Variants in AR observed in about 807,000 individuals in gnomAD.
AR encodes the protein androgen receptor, also known as dihydrotestosterone receptor.
In AR, 8 loss-of-function variants were observed where a neutral mutation model predicts 53.9. The ratio of observed to expected loss-of-function variants is 0.15; its 90% CI spans 0.09 to 0.27. The LOEUF (loss-of-function observed/expected upper bound fraction) is 0.27. AR is among the 10% of genes least tolerant of loss of function. The pLI is 1.00. For synonymous variants in AR, 359 were observed against 316.4 expected (o/e 1.13, Z -1.43); for missense variants, 639 against 742.5 (o/e 0.86, Z 1.62).
Position 67,720,191 on chromosome X carries a change from A to G in AR, c.2319-1642A>G, listed in dbSNP as rs184120982. Among the ~76,000 whole-genome samples the G allele has an allele frequency of 7.2e-5, 8 of 110,755 alleles. 1 individual carries two copies. In the East Asian group the frequency reaches 1.7e-3, roughly 24 times the overall value. ...TTATTTTCTCTCTTGCACTCCCACC[A>G]ACCTTGTTCTCTTCCTAAATTCCAT... On this transcript the variant is annotated intron_variant, in intron 5 of 7. Transcript: ENST00000374690.
intron 1 of AR, among the ~76,000 whole-genome samples, chrX:67,576,620 C>T (rs759708534): frequency 1.6e-4 from 18 of 111,146 alleles, no homozygotes; most frequent in African/African-American, 5.9e-4. Flanking sequence ...CGTTTGGATA[C>T]CTTGGTCTCA....
At position 67,636,629 on chromosome X, in the gene AR, T is replaced by C. The variant is rs150543053; in HGVS notation, c.1617-6627T>C. On this transcript the variant is annotated intron_variant, in intron 1 of 7. Transcript: ENST00000374690. Reference sequence around the variant, plus strand: ...GTTCCTGCATGTGCCTCCTAGTACATATGTGACCAACTTTCTCTAGGATAT... The same window carrying C: ...GTTCCTGCATGTGCCTCCTAGTACACATGTGACCAACTTTCTCTAGGATAT... 5.8e-3 allele frequency among the ~76,000 whole-genome samples: 648 copies of C among 112,092 alleles called. 5 individuals are homozygous for C. Among genetic ancestry groups the C allele is most frequent in the African/African-American group, 0.019 (596 of 30,891 alleles).
intron 4 of AR, among the ~76,000 whole-genome samples, chrX:67,717,015 G>T (rs969480672): frequency 9.0e-6 from 1 of 111,704 alleles, no homozygotes; most frequent in Non-Finnish European, 1.9e-5. Flanking sequence ...GATAATAATA[G>T]TACTTACCTT....
At chrX:67,631,244 T>G (rs937633054) in intron 1 of AR, among the ~76,000 whole-genome samples, 1 of 111,720 alleles carries the variant, frequency 9.0e-6, no homozygotes, top group African/African-American at 3.3e-5. Context: ...TTTTCCAACT[T>G]GGTTCCATTC....
Position 67,723,866 on chromosome X carries a change from C to T in AR, c.*25C>T, listed in dbSNP as rs371810294. The stretch of plus-strand genomic sequence containing the variant: ...AAGCATTGGAAACCCTATTTCCCCA[C>T]CCCAGCTCATGCCCCCTTTCAGATG... On this transcript the variant is annotated 3_prime_UTR_variant, in exon 8 of 8. Coordinates refer to ENST00000374690, the MANE Select transcript of AR (RefSeq NM_000044.6). 1.2e-5 allele frequency: 14 copies of T among 1,204,190 alleles called. No individual in the cohort carries two copies. Among genetic ancestry groups the T allele is most frequent in the Middle Eastern group, 3.0e-4 (1 of 3,363 alleles).
At position 67,717,648 on chromosome X, in the gene AR, C is replaced by A. The variant is rs756136725; in HGVS notation, c.2318+26C>A. 5 of 1,210,794 alleles carry A rather than the reference C, an allele frequency of 4.1e-6. No homozygotes were observed. In the Admixed American group the frequency reaches 1.1e-4, roughly 26 times the overall value. On this transcript the variant is annotated intron_variant, in intron 5 of 7. Transcript: ENST00000374690. The stretch of plus-strand genomic sequence containing the variant: ...GTAAGTGCTCCTGGGGCCCAGACCT[C>A]ACTAAAATACAGCAGCTTGGCCAGA...
intron 3 of AR, among the ~76,000 whole-genome samples, chrX:67,704,577 T>G (rs905338683): frequency 1.8e-5 from 2 of 111,893 alleles, no homozygotes; most frequent in African/African-American, 3.3e-5. Flanking sequence ...TGGAAAAAAT[T>G]TTCTCCCATT....
chrX:67,711,604 C>T lies in AR; in HGVS notation c.2088C>T (p.Asp696=), dbSNP rs1171884607. ...VCAGHDNNQP[D]SFAALLSSLN... ...CTGGACACGACAACAACCAGCCCGA[C>T]TCCTTTGCAGCCTTGCTCTCTAGCC... The change falls in exon 4 of 8, where the codon GAC becomes GAT. Residue 696 remains aspartate, a synonymous_variant. Coordinates refer to ENST00000374690, the MANE Select transcript of AR (RefSeq NM_000044.6). 3 of 1,209,837 alleles carry T rather than the reference C, an allele frequency of 2.5e-6. No homozygotes were observed. The highest frequency in any genetic ancestry group is 3.5e-5 in the South Asian group (2 of 56,694).
intron 1 of AR, among the ~76,000 whole-genome samples, chrX:67,630,156 G>C (rs1405794549): frequency 1.8e-5 from 2 of 110,936 alleles, no homozygotes; most frequent in African/African-American, 6.6e-5. Context: ...TATTAGGTCT[G>C]CTTGGTGCAG....
rs749571801 is a variant in AR at position 67,717,487 on chromosome X, A to G, written c.2183A>G (p.Asn728Ser). Residue 728 changes from asparagine (N) to serine (S), a missense_variant, in exon 5 of 8, where the codon AAC (asparagine) becomes AGC (serine). By Grantham distance (46) the Asn-to-Ser change is conservative. This residue lies in a region of AR where 95 missense variants were observed against 196.4 expected (regional missense o/e 0.48). Coordinates refer to ENST00000374690, the MANE Select transcript of AR (RefSeq NM_000044.6). ...KWAKALPGFR[N>S]LHVDDQMAVI... ...GCCTCTTCTTCTCCAGGCTTCCGCA[A>G]CTTACACGTGGACGACCAGATGGCT... is the stretch of plus-strand genomic sequence containing the variant. 5 of 1,210,403 alleles carry G rather than the reference A, an allele frequency of 4.1e-6. No homozygotes were observed. In the African/African-American group the frequency reaches 7.0e-5, roughly 17 times the overall value.
At chrX:67,700,667 A>T (rs1262534208) in intron 3 of AR, among the ~76,000 whole-genome samples, 1 of 111,867 alleles carries the variant, frequency 8.9e-6, no homozygotes, top group African/African-American at 3.3e-5. Context: ...GATGCCATAT[A>T]GGCCTGGGGA....
At chrX:67,612,926 A>G (rs1470318617) in intron 1 of AR, among the ~76,000 whole-genome samples, 1 of 111,261 alleles carries the variant, frequency 9.0e-6, no homozygotes, top group Non-Finnish European at 1.9e-5. Flanking sequence ...TTCACCCACA[A>G]TGGGGCAGAC....
Position 67,544,385 on chromosome X carries a change from T to G in AR, c.-762T>G. On this transcript the variant is annotated 5_prime_UTR_variant, in exon 1 of 8. Transcript: ENST00000374690. The stretch of plus-strand genomic sequence containing the variant: ...CCCTGCCTTCCCCCCCTCCCCCGTC[T>G]TCTCTCCCGCAGCTGCCTCAGTCGG... 2 of 47,747 alleles carry G rather than the reference T, an allele frequency of 4.2e-5. No individual in the cohort carries two copies. The highest frequency in any genetic ancestry group is 7.5e-5 in the Non-Finnish European group (2 of 26,740). 3.9% of individuals were successfully genotyped at this position (47,747 alleles called of 1,213,427 possible).
At chrX:67,710,891 A>G (rs1354563767) in intron 3 of AR, among the ~76,000 whole-genome samples, 1 of 111,556 alleles carries the variant, frequency 9.0e-6, no homozygotes, top group Non-Finnish European at 1.9e-5. Context: ...ATGTAAAAAG[A>G]TTAGTGTTTT....
chrX:67,633,522 G>T (rs1481903046), intron 1 of AR, among the ~76,000 whole-genome samples: 1 of 111,837 alleles, frequency 8.9e-6, no homozygotes, highest in Non-Finnish European at 1.9e-5. Flanking sequence ...GTTACTGTTT[G>T]ACCTAGTAAT....
intron 3 of AR, among the ~76,000 whole-genome samples, chrX:67,697,085 A>G (rs2076024043): frequency 8.9e-6 from 1 of 111,751 alleles, no homozygotes; most frequent in Admixed American, 9.5e-5. Context: ...CAGAGTCCCA[A>G]ATTTACCTAC....
intron 2 of AR, among the ~76,000 whole-genome samples, chrX:67,644,155 C>T (rs1313030895): frequency 8.9e-6 from 1 of 112,157 alleles, no homozygotes; most frequent in Non-Finnish European, 1.9e-5. Flanking sequence ...GCTCAGCCCA[C>T]ATTCTGCAGT....
chrX:67,650,373 G>A (rs1707387537), intron 2 of AR, among the ~76,000 whole-genome samples: 1 of 112,088 alleles, frequency 8.9e-6, no homozygotes, highest in South Asian at 3.7e-4. Context: ...GCAGTCAGAA[G>A]CTTCTTCAGT....
chrX:67,685,188 TAGTC>T (rs1172525345), intron 2 of AR, among the ~76,000 whole-genome samples: 1 of 111,842 alleles, frequency 8.9e-6, no homozygotes, highest in Non-Finnish European at 1.9e-5. Context: ...TTTACATGTT[TAGTC>T]AGTCAATCCA....
Sources: allele counts gnomAD v4.1 joint callset (sites outside exome capture counted in the v4.1 genomes callset), GRCh38; gene constraint gnomAD v4.1.1; regional missense constraint gnomAD v4.1.1; transcripts MANE v1.5; gene names NCBI Gene and HGNC (gene_info 2026-07-23, HGNC 2026-07-21).